The following MGRN1 variants were observed in gnomAD, a reference collection of about 807,000 sequenced individuals.
The protein encoded by MGRN1 is E3 ubiquitin-protein ligase MGRN1.
A neutral mutation model predicts 69.2 loss-of-function variants in MGRN1; 29 were observed. That is an observed-to-expected ratio of 0.42 (90% CI 0.31 to 0.57). The LOEUF is 0.57. Ranked by LOEUF, MGRN1 falls within the 20% of genes least tolerant of loss-of-function variation. The probability of loss-of-function intolerance (pLI) is 0.15; values close to 1 mark genes in which losing one functional copy is unlikely to be tolerated. For synonymous variants in MGRN1, 470 were observed against 344.2 expected, an observed-to-expected ratio of 1.37 and a Z score of -4.04; for missense variants, 998 against 796.2, an observed-to-expected ratio of 1.25 and a Z score of -3.05.
rs1466044058 is a variant in MGRN1 at position 4,652,005 on chromosome 16, C to G, written c.250C>G (p.Leu84Val). The G allele has an allele frequency of 1.2e-6, 2 of 1,613,960 alleles. No individual in the cohort carries two copies. Among genetic ancestry groups the G allele is most frequent in the African/African-American group, 2.7e-5 (2 of 74,896 alleles). Residue 84 changes from leucine to valine, a missense_variant, in exon 3 of 17, where the codon CTG (leucine) becomes GTG (valine). Physicochemically the swap from Leu to Val is conservative, Grantham distance 32 (BLOSUM62 1). Coordinates refer to ENST00000262370, the MANE Select transcript of MGRN1 (RefSeq NM_015246.4). Reference protein sequence around the residue: ...TPAPHEPVKTLRSLVNIRKDS... With the variant: ...TPAPHEPVKTVRSLVNIRKDS... The stretch of plus-strand genomic sequence containing the variant: ...TGCCCCCCACGAGCCCGTGAAGACG[C>G]TGCGGAGCCTGGTGAACATCCGCAA...
intron 1 of MGRN1, among the ~76,000 whole-genome samples, chr16:4,629,304 A>G (rs1221285103): frequency 6.6e-6 from 1 of 152,140 alleles, no homozygotes; most frequent in African/African-American, 2.4e-5. Flanking sequence ...CCTGTCAGCC[A>G]TGTGATTTGC....
chr16:4,625,399 C>T (rs571282391), intron 1 of MGRN1, among the ~76,000 whole-genome samples: 1 of 152,352 alleles, frequency 6.6e-6, no homozygotes, highest in Admixed American at 6.5e-5. Flanking sequence ...ATCGCTTCTG[C>T]CTAGAAAACT....
intron 12 of MGRN1, among the ~76,000 whole-genome samples, chr16:4,680,950 AG>A (rs1170629817): frequency 6.6e-6 from 1 of 152,218 alleles, no homozygotes; most frequent in African/African-American, 2.4e-5. Context: ...GGGACAGAGC[AG>A]GGGCCCCCGC....
intron 4 of MGRN1, among the ~76,000 whole-genome samples, chr16:4,656,304 G>A (rs1567199066): frequency 2.0e-5 from 3 of 152,220 alleles, no homozygotes; most frequent in Non-Finnish European, 4.4e-5. Flanking sequence ...TGTCCCCCAG[G>A]GGCCCTGACT....
intron 5 of MGRN1, among the ~76,000 whole-genome samples, chr16:4,660,580 G>T (rs1039794557): frequency 1.3e-5 from 2 of 152,248 alleles, no homozygotes; most frequent in African/African-American, 4.8e-5. Context: ...TTCCAGGCCT[G>T]GGCAGAAGCG....
intron 1 of MGRN1, among the ~76,000 whole-genome samples, chr16:4,632,900 C>T (rs566472975): frequency 3.3e-5 from 5 of 152,024 alleles, no homozygotes; most frequent in South Asian, 2.1e-4. Flanking sequence ...CTGGGCAACA[C>T]GGCAAAACCT....
intron 16 of MGRN1, chr16:4,687,824 C>T (rs150478587): frequency 1.8e-4 from 174 of 985,448 alleles, no homozygotes; most frequent in Non-Finnish European, 1.0e-4. Flanking sequence ...GGGAGAACTT[C>T]GCTTCTTTTG....
chr16:4,662,660 T>G (rs1430122815), intron 5 of MGRN1, among the ~76,000 whole-genome samples: 1 of 152,222 alleles, frequency 6.6e-6, no homozygotes, highest in Non-Finnish European at 1.5e-5. Flanking sequence ...TGACCCCATT[T>G]TACAAGGAAA....
chr16:4,652,074 G>T (rs539548187), intron 3 of MGRN1, 23 bp downstream of exon 3: 2 of 1,608,140 alleles, frequency 1.2e-6, no homozygotes, highest in African/African-American at 2.7e-5. Context: ...TGCCCCTGGG[G>T]ACCCTGTGGC....
intron 10 of MGRN1, among the ~76,000 whole-genome samples, chr16:4,674,664 C>T (rs111273040): frequency 0.38 from 38,877 of 101,594 alleles, 8,568 homozygotes; most frequent in East Asian, 0.65. Flanking sequence ...GACGGAGTCT[C>T]GCTCTGTCGC....
chr16:4,679,937 G>T, intron 11 of MGRN1, 95 bp from the exon 12 acceptor site: 2 of 1,162,048 alleles, frequency 1.7e-6, no homozygotes, highest in South Asian at 1.3e-5. Flanking sequence ...TCTGCGCCAC[G>T]GTGTGGCAAG....
At chr16:4,681,389 A>AG (rs1472602526) in intron 12 of MGRN1, 161 bp from the exon 13 acceptor site, 2 of 631,194 alleles carry the variant, frequency 3.2e-6, no homozygotes, top group Non-Finnish European at 5.4e-6. Context: ...TGGCTGAGGC[A>AG]GGGAGGGCAT....
In MGRN1 at chr16:4,673,523, A is replaced by G; in HGVS notation, c.821A>G (p.Asn274Ser). The change falls in exon 10 of 17, where the codon AAC (asparagine) becomes AGC (serine). Residue 274 changes from asparagine to serine, a missense_variant. Transcript: ENST00000262370. ...TKPSDDENSDNSNECVVCLSD... is the reference protein window; with the variant it reads ...TKPSDDENSDSSNECVVCLSD... ...CCCTCGGACGACGAGAACAGCGACA[A>G]CAGCAACGAGTGTGTGGTGTGCCTG... is the stretch of plus-strand genomic sequence containing the variant. 1 of 1,613,554 alleles carries G rather than the reference A, an allele frequency of 6.2e-7. No individual in the cohort carries two copies. Among genetic ancestry groups the G allele is most frequent in the Non-Finnish European group, 8.5e-7 (1 of 1,179,964 alleles).
chr16:4,630,438 TTTGTTGTTG>T (rs143122519), intron 1 of MGRN1, among the ~76,000 whole-genome samples: 2 of 151,260 alleles, frequency 1.3e-5, no homozygotes, highest in Non-Finnish European at 2.9e-5. Context: ...TTTCTAGCAT[TTTGTTGTTG>T]TTGTTGTTGT....
intron 4 of MGRN1, among the ~76,000 whole-genome samples, chr16:4,656,809 G>T (rs138839028): frequency 5.3e-5 from 8 of 152,212 alleles, no homozygotes; most frequent in African/African-American, 1.9e-4. Context: ...GAACTCAGAA[G>T]GCAGAGGTTG....
At chr16:4,631,170 T>C (rs1280805734) in intron 1 of MGRN1, among the ~76,000 whole-genome samples, 1 of 152,142 alleles carries the variant, frequency 6.6e-6, no homozygotes, top group Non-Finnish European at 1.5e-5. Context: ...TAAACCCCCC[T>C]TTTTTGTGGA....
At chr16:4,678,356 C>G (rs780256193) in intron 11 of MGRN1, among the ~76,000 whole-genome samples, 30 of 152,122 alleles carry the variant, frequency 2.0e-4, no homozygotes, top group Non-Finnish European at 3.5e-4. Context: ...CACAGAGAAA[C>G]ACAGAGACAG....
At chr16:4,668,428 C>G in intron 8 of MGRN1, 116 bp downstream of exon 8, 1 of 1,054,142 alleles carries the variant, frequency 9.5e-7, no homozygotes, top group Non-Finnish European at 1.4e-6. Flanking sequence ...TACTCATACA[C>G]GCTCATACAC....
chr16:4,635,063 C>T (rs1029081131), intron 1 of MGRN1: 4 of 152,228 alleles, frequency 2.6e-5, no homozygotes, highest in Non-Finnish European at 2.9e-5. Context: ...AAGATTGCTT[C>T]AGTGCTTTGG....
Sources: gnomAD v4.1 joint callset for allele counts (sites outside exome capture counted in the v4.1 genomes callset) on GRCh38, gnomAD v4.1.1 for gene constraint, MANE v1.5 for transcripts, NCBI Gene and HGNC (gene_info 2026-07-23, HGNC 2026-07-21) for gene names.